The following RGS6 variants were observed in gnomAD, a reference collection of about 807,000 sequenced individuals.
RGS6 encodes regulator of G-protein signaling 6.
A neutral mutation model predicts 78.5 loss-of-function variants in RGS6; 30 were observed. That is an observed-to-expected ratio of 0.38 (90% CI 0.29 to 0.52). The LOEUF is 0.52. Ranked by LOEUF, RGS6 falls within the 20% of genes least tolerant of loss-of-function variation. The pLI is 0.85. For missense variants in RGS6, 495 were observed against 609.7 expected (o/e 0.81, Z 1.98); for synonymous variants, 206 against 206.0 (o/e 1.00, Z 0.00).
intron 2 of RGS6, among the ~76,000 whole-genome samples, chr14:71,986,291 G>A (rs1427076454): frequency 1.3e-5 from 2 of 152,192 alleles, no homozygotes; most frequent in Non-Finnish European, 2.9e-5. Context: ...AGGCTTAGAT[G>A]TAATGAGATT....
At chr14:72,617,182 A>G in the RGS6 span, among the ~76,000 whole-genome samples, 1 of 152,312 alleles carries the variant, frequency 6.6e-6, no homozygotes, top group South Asian at 2.1e-4. Context: ...AAATTTGCAC[A>G]TACTCTGAAG....
At chr14:72,218,692 A>C (rs931826886) in intron 2 of RGS6, among the ~76,000 whole-genome samples, 1 of 152,006 alleles carries the variant, frequency 6.6e-6, no homozygotes, top group Non-Finnish European at 1.5e-5. Flanking sequence ...GCTCACTGCA[A>C]CCTCTACCTC....
intron 2 of RGS6, among the ~76,000 whole-genome samples, chr14:71,993,940 G>T (rs368103059): frequency 7.9e-5 from 12 of 151,512 alleles, no homozygotes; most frequent in East Asian, 5.8e-4. Context: ...GAGTTGGAAG[G>T]CATCTTAGCC....
At chr14:71,895,328 C>T in the RGS6 span, among the ~76,000 whole-genome samples, 9 of 151,812 alleles carry the variant, frequency 5.9e-5, no homozygotes, top group East Asian at 1.9e-4. Flanking sequence ...GGATTATAGG[C>T]GCCCATCACC....
At chr14:72,503,902 C>T (rs1313662700) in intron 13 of RGS6, among the ~76,000 whole-genome samples, 2 of 152,212 alleles carry the variant, frequency 1.3e-5, no homozygotes, top group Non-Finnish European at 2.9e-5. Flanking sequence ...TGGGGTTCCT[C>T]ACCTGCAGCT....
At chr14:72,068,856 A>G (rs2094291715) in intron 2 of RGS6, among the ~76,000 whole-genome samples, 1 of 151,912 alleles carries the variant, frequency 6.6e-6, no homozygotes, top group African/African-American at 2.4e-5. Flanking sequence ...AAGTCTCATA[A>G]TACTTGACTT....
At chr14:71,883,278 G>C in the RGS6 span, among the ~76,000 whole-genome samples, 2 of 152,180 alleles carry the variant, frequency 1.3e-5, no homozygotes, top group African/African-American at 4.8e-5. Context: ...GCATCTCTCA[G>C]ACTCTGGACC....
intron 2 of RGS6, among the ~76,000 whole-genome samples, chr14:72,303,263 G>A (rs891080593): frequency 6.6e-6 from 1 of 152,238 alleles, no homozygotes; most frequent in Non-Finnish European, 1.5e-5. Flanking sequence ...CACTTTGGGA[G>A]GCGGATGCGG....
At chr14:72,474,105 T>C (rs1280910273) in intron 9 of RGS6, 1 of 152,408 alleles carries the variant, frequency 6.6e-6, no homozygotes, top group African/African-American at 2.4e-5. Context: ...TAAGGAGTTA[T>C]AAATGAAATT....
chr14:72,353,268 A>G (rs752294913), intron 3 of RGS6, among the ~76,000 whole-genome samples: 5 of 152,238 alleles, frequency 3.3e-5, no homozygotes, highest in Admixed American at 6.5e-5. Flanking sequence ...ACTTTTATTG[A>G]AGTATACTGA....
chr14:72,211,169 A>G (rs1210844310), intron 2 of RGS6, among the ~76,000 whole-genome samples: 1 of 152,244 alleles, frequency 6.6e-6, no homozygotes, highest in Non-Finnish European at 1.5e-5. Context: ...GTCCAGAGAC[A>G]AATCTTGGAG....
intron 2 of RGS6, among the ~76,000 whole-genome samples, chr14:72,325,778 A>G (rs1408637193): frequency 2.6e-5 from 4 of 152,204 alleles, no homozygotes; most frequent in Admixed American, 6.5e-5. Context: ...AAACCATTGA[A>G]AAAATGCACA....
intron 2 of RGS6, among the ~76,000 whole-genome samples, chr14:72,127,346 C>T (rs1598038472): frequency 2.0e-5 from 3 of 152,272 alleles, no homozygotes; most frequent in African/African-American, 7.2e-5. Flanking sequence ...TTGTTTACTG[C>T]ACTAAATCTT....
At chr14:71,962,598 T>G (rs923385570) in intron 1 of RGS6, among the ~76,000 whole-genome samples, 2 of 152,246 alleles carry the variant, frequency 1.3e-5, no homozygotes, top group African/African-American at 4.8e-5. Flanking sequence ...TTGGTTAGAA[T>G]GGTAATCAGT....
At chr14:71,963,156 A>C (rs960663392) in intron 1 of RGS6, among the ~76,000 whole-genome samples, 1 of 152,202 alleles carries the variant, frequency 6.6e-6, no homozygotes, top group Non-Finnish European at 1.5e-5. Context: ...AGCATATAGC[A>C]GGTGTTTGGT....
intron 2 of RGS6, among the ~76,000 whole-genome samples, chr14:72,087,452 T>G (rs1597349676): frequency 6.6e-6 from 1 of 152,034 alleles, no homozygotes; most frequent in Admixed American, 6.6e-5. Flanking sequence ...ATATATATAC[T>G]TTTTTAATGG....
Position 72,294,298 on chromosome 14 carries a change from A to C in RGS6, c.85-57797A>C, listed in dbSNP as rs759245612. Among the ~76,000 whole-genome samples, 64 of 152,214 alleles carry C rather than the reference A, an allele frequency of 4.2e-4. 1 individual carries two copies. The highest frequency in any genetic ancestry group is 7.6e-4 in the Non-Finnish European group (52 of 68,050). ...ATGACTAAAGCCACATGGTTCAAAC[A>C]TGGCTGCCTTAGCCCACATCTACAG... On this transcript the variant is annotated intron_variant, in intron 2 of 17. Coordinates refer to ENST00000553525, the MANE Select transcript of RGS6 (RefSeq NM_001204424.2).
At chr14:72,498,332 T>C (rs1018529671) in intron 13 of RGS6, among the ~76,000 whole-genome samples, 3 of 152,220 alleles carry the variant, frequency 2.0e-5, no homozygotes, top group African/African-American at 7.2e-5. Flanking sequence ...TCATTTCTGC[T>C]CATTGTTTCA....
At chr14:71,960,141 G>A (rs2093083047) in intron 1 of RGS6, among the ~76,000 whole-genome samples, 1 of 152,204 alleles carries the variant, frequency 6.6e-6, no homozygotes, top group Non-Finnish European at 1.5e-5. Context: ...TGCAGTGTCA[G>A]TTTGGAGTAG....
Sources: gnomAD v4.1 joint callset for allele counts (sites outside exome capture counted in the v4.1 genomes callset) on GRCh38, gnomAD v4.1.1 for gene constraint, MANE v1.5 for transcripts, NCBI Gene and HGNC (gene_info 2026-07-23, HGNC 2026-07-21) for gene names.